The following C5 variants were observed in gnomAD, a reference collection of about 807,000 sequenced individuals.
C5 encodes the protein complement C5.
A neutral mutation model predicts 218.8 loss-of-function variants in C5; 140 were observed. The observed-to-expected ratio is 0.64, with a 90% CI of 0.56 to 0.74. The LOEUF is 0.74. Ranked by LOEUF, C5 falls within the 30% of genes least tolerant of loss-of-function variation. The pLI, the probability that C5 is intolerant of heterozygous loss-of-function variation, is 0.00. For missense variants in C5, 1,700 were observed against 1,969.6 expected (o/e 0.86, Z 2.59); for synonymous variants, 614 against 682.3 (o/e 0.90, Z 1.56).
rs1209431783 is a variant in C5 at position 120,989,630 on chromosome 9, C to T, written c.3092G>A (p.Trp1031Ter). 1.2e-6 allele frequency: 2 copies of T among 1,613,130 alleles called. No homozygotes were observed. Among genetic ancestry groups the T allele is most frequent in the Non-Finnish European group, 1.7e-6 (2 of 1,179,704 alleles). Reference sequence around the variant, plus strand: ...TAATGGGTCAGAATGAAAAATGTTCCAATGATTTCCTGTTTCCAGGTAGTG... The same window carrying T: ...TAATGGGTCAGAATGAAAAATGTTCTAATGATTTCCTGTTTCCAGGTAGTG... The part of the protein sequence containing the change: ...VFHYLETGNH[W>*]NIFHSDPLIE... The change falls in exon 24 of 41, where the codon TGG becomes TAG. Residue 1031 changes from tryptophan to a stop codon, truncating the protein, a stop_gained. Coordinates refer to ENST00000223642, the MANE Select transcript of C5 (RefSeq NM_001735.3). LOFTEE classifies it high-confidence loss of function.
chr9:120,987,792 TTG>T (rs1476729033), intron 25 of C5, among the ~76,000 whole-genome samples: 1 of 151,914 alleles, frequency 6.6e-6, no homozygotes, highest in Non-Finnish European at 1.5e-5. Context: ...TTTTTTTGTT[TTG>T]TTTTGTTTTG....
At chr9:121,036,558 T>A (rs2047526531) in intron 4 of C5, among the ~76,000 whole-genome samples, 1 of 152,150 alleles carries the variant, frequency 6.6e-6, no homozygotes, top group Non-Finnish European at 1.5e-5. Flanking sequence ...GTCAATCAGT[T>A]TATTTACTAG....
chr9:121,063,334 A>C, the C5 span, among the ~76,000 whole-genome samples: 2 of 151,382 alleles, frequency 1.3e-5, no homozygotes, highest in African/African-American at 2.4e-5. Context: ...TTTTTATTTC[A>C]GTTATTGTAG....
At chr9:121,034,944 A>G in intron 4 of C5, 50 bp from the exon 5 acceptor site, 1 of 876,924 alleles carries the variant, frequency 1.1e-6, no homozygotes, top group South Asian at 1.4e-5. Flanking sequence ...CATTTTAAAA[A>G]ATTTAACTGA....
At chr9:121,018,725 GAA>G (rs2047334545) in intron 12 of C5, among the ~76,000 whole-genome samples, 2 of 66,440 alleles carry the variant, frequency 3.0e-5, no homozygotes. Context: ...AAGAAAGAAA[GAA>G]GGAAGGAAGG....
At chr9:121,036,847 C>T (rs1035032136) in intron 4 of C5, among the ~76,000 whole-genome samples, 1 of 151,938 alleles carries the variant, frequency 6.6e-6, no homozygotes, top group Non-Finnish European at 1.5e-5. Context: ...TGCTTTTGCA[C>T]CTGCATTCTG....
At chr9:121,021,800 T>G (rs756054577) in intron 10 of C5, 106 bp from the exon 11 acceptor site, 6 of 1,112,644 alleles carry the variant, frequency 5.4e-6, no homozygotes, top group Non-Finnish European at 6.8e-6. Context: ...AAATTATTTA[T>G]GTATTTTTTT....
At chr9:121,003,980 G>A (rs1435053995) in intron 20 of C5, among the ~76,000 whole-genome samples, 1 of 151,808 alleles carries the variant, frequency 6.6e-6, no homozygotes, top group African/African-American at 2.4e-5. Flanking sequence ...GCCATTCTCC[G>A]GCCTCTGTCT....
intron 20 of C5, among the ~76,000 whole-genome samples, chr9:120,999,255 T>A (rs2047141029): frequency 6.6e-6 from 1 of 152,072 alleles, no homozygotes; most frequent in Non-Finnish European, 1.5e-5. Flanking sequence ...ACAAGATACA[T>A]ATTAAAACAA....
the C5 span, among the ~76,000 whole-genome samples, chr9:121,065,567 T>C: frequency 1.3e-5 from 2 of 152,204 alleles, no homozygotes; most frequent in Non-Finnish European, 2.9e-5. Flanking sequence ...CACAGCTCAC[T>C]GCAGCCTCGA....
intron 20 of C5, among the ~76,000 whole-genome samples, chr9:121,004,096 C>T (rs2047195187): frequency 6.6e-6 from 1 of 152,068 alleles, no homozygotes; most frequent in African/African-American, 2.4e-5. Flanking sequence ...GTGTCGATCG[C>T]CTGACCTCGT....
rs1484144417 is a variant in C5, at chr9:121,016,350, A to T, written c.1900T>A (p.Cys634Ser). The T allele has an allele frequency of 1.2e-6, 2 of 1,614,118 alleles. No individual in the cohort carries two copies. Among genetic ancestry groups the T allele is most frequent in the East Asian group, 2.2e-5 (1 of 44,882 alleles). ...FQFLEKSDLG[C>S]GAGGGLNNAN... ...TTGTTGAGGCCACCACCTGCCCCAC[A>T]GCCCAGATCACTCTTCTCTAAGAAT... The change falls in exon 15 of 41, where the codon TGT (cysteine) becomes AGT (serine). Residue 634 changes from cysteine (C) to serine (S), a missense_variant. Transcript: ENST00000223642.
At chr9:120,965,788 A>G (rs1038352858) in intron 33 of C5, among the ~76,000 whole-genome samples, 1 of 152,176 alleles carries the variant, frequency 6.6e-6, no homozygotes, top group Admixed American at 6.5e-5. Flanking sequence ...TGTCAGCAGG[A>G]TGGAAAAGGG....
At chr9:120,983,152 C>T in intron 25 of C5, among the ~76,000 whole-genome samples, 1 of 152,112 alleles carries the variant, frequency 6.6e-6, no homozygotes, top group African/African-American at 2.4e-5. Flanking sequence ...GAACATGAGA[C>T]ATGAAAGAGT....
intron 1 of C5, among the ~76,000 whole-genome samples, chr9:121,048,261 C>T (rs1045866954): frequency 7.2e-5 from 11 of 152,054 alleles, no homozygotes; most frequent in African/African-American, 2.4e-4. Context: ...GTCCCCAACC[C>T]CTGGGCCATG....
At chr9:121,046,571 G>T (rs1312781653) in intron 1 of C5, among the ~76,000 whole-genome samples, 188 bp from the exon 2 acceptor site, 1 of 152,062 alleles carries the variant, frequency 6.6e-6, no homozygotes, top group Non-Finnish European at 1.5e-5. Context: ...AAGTAGTTTG[G>T]AATTAAGACC....
intron 27 of C5, among the ~76,000 whole-genome samples, chr9:120,980,513 T>C (rs1299890950): frequency 6.6e-6 from 1 of 152,202 alleles, no homozygotes. Context: ...TTTTAGAGGT[T>C]TTGTGCCTTT....
intron 30 of C5, 148 bp from the exon 31 acceptor site, chr9:120,972,140 T>C (rs1282346033): frequency 8.5e-6 from 6 of 703,376 alleles, no homozygotes; most frequent in Middle Eastern, 2.3e-4. Flanking sequence ...GAAAATCCTA[T>C]GCCCATGGCA....
intron 2 of C5, among the ~76,000 whole-genome samples, chr9:121,043,740 G>T (rs1000916607): frequency 6.8e-5 from 10 of 147,706 alleles, no homozygotes; most frequent in Non-Finnish European, 1.5e-4. Context: ...ATAGAGACGG[G>T]TTTCACCATG....
Sources: gnomAD v4.1 joint callset for allele counts (sites outside exome capture counted in the v4.1 genomes callset) on GRCh38, gnomAD v4.1.1 for gene constraint, MANE v1.5 for transcripts, NCBI Gene and HGNC (gene_info 2026-07-23, HGNC 2026-07-21) for gene names.